The following DENND1B variants were observed in gnomAD, a reference collection of about 807,000 sequenced individuals.
The protein encoded by DENND1B is DENN domain-containing protein 1B.
In DENND1B, 59 loss-of-function variants were observed where a neutral mutation model predicts 90.1. The ratio of observed to expected loss-of-function variants is 0.65; its 90% confidence interval spans 0.53 to 0.81. The LOEUF is 0.81. Among genes scored for constraint, DENND1B ranks in the 40% least tolerant of loss-of-function variants. The pLI is 0.00. For missense variants in DENND1B, 862 were observed against 912.6 expected, an observed-to-expected ratio of 0.94 and a Z score of 0.71; for synonymous variants, 337 against 324.6, an observed-to-expected ratio of 1.04 and a Z score of -0.41.
intron 17 of DENND1B, 81 bp from the exon 18 acceptor site, chr1:197,546,071 T>A (rs1670795874): frequency 8.2e-7 from 1 of 1,213,314 alleles, no homozygotes. Context: ...GTAAGTTGCA[T>A]ATTTAAAAAA....
intron 5 of DENND1B, among the ~76,000 whole-genome samples, chr1:197,667,924 A>C (rs1301613877): frequency 6.6e-6 from 1 of 152,200 alleles, no homozygotes. Flanking sequence ...GCAGGAAAAA[A>C]TTGAAATGAT....
At chr1:197,631,728 A>T (rs939958411) in intron 10 of DENND1B, among the ~76,000 whole-genome samples, 3 of 151,730 alleles carry the variant, frequency 2.0e-5, no homozygotes, top group African/African-American at 7.3e-5. Flanking sequence ...AATTATATAT[A>T]TTTTAATGTT....
At chr1:197,742,696 CA>C (rs1663329526) in intron 2 of DENND1B, among the ~76,000 whole-genome samples, 1 of 152,108 alleles carries the variant, frequency 6.6e-6, no homozygotes, top group Non-Finnish European at 1.5e-5. Flanking sequence ...CTGTAGCACA[CA>C]AAAAACTACA....
At position 197,737,573 on chromosome 1, in the gene DENND1B, C is replaced by T. The variant is rs6698391; in HGVS notation, c.83-22499G>A. Among the ~76,000 whole-genome samples, 774 of 152,212 alleles carry T rather than the reference C, an allele frequency of 5.1e-3. 7 individuals carry two copies. The highest frequency in any genetic ancestry group is 0.017 in the African/African-American group (719 of 41,530). On this transcript the variant is annotated intron_variant, in intron 2 of 22. Transcript: ENST00000620048. ...TTTGCACTCTATTAGACTTGTTTGC[C>T]TCTATCTACTAAGCATTATAGGAGA...
At chr1:197,663,509 G>C (rs995389791) in intron 5 of DENND1B, among the ~76,000 whole-genome samples, 4 of 152,044 alleles carry the variant, frequency 2.6e-5, no homozygotes, top group Admixed American at 2.6e-4. Context: ...TATCCTAAGG[G>C]CATATTTTGT....
intron 10 of DENND1B, among the ~76,000 whole-genome samples, chr1:197,636,658 G>A (rs1679820476): frequency 1.3e-5 from 2 of 152,106 alleles, no homozygotes; most frequent in South Asian, 4.1e-4. Flanking sequence ...CGCAAAGCAT[G>A]CCCTATATTA....
intron 22 of DENND1B, among the ~76,000 whole-genome samples, chr1:197,511,265 T>A (rs1668008654): frequency 6.6e-6 from 1 of 151,814 alleles, no homozygotes; most frequent in South Asian, 2.1e-4. Context: ...TACTCATACT[T>A]CTATCTCTGC....
At chr1:197,594,420 G>A (rs148338648) in intron 14 of DENND1B, among the ~76,000 whole-genome samples, 57 of 152,260 alleles carry the variant, frequency 3.7e-4, no homozygotes, top group African/African-American at 1.3e-3. Flanking sequence ...AATCTAGAGA[G>A]ACTAAGGAAA....
chr1:197,577,077 T>C (rs1191968221), intron 15 of DENND1B, among the ~76,000 whole-genome samples: 2 of 151,792 alleles, frequency 1.3e-5, no homozygotes, highest in Admixed American at 6.6e-5. Context: ...TAAAGTAATA[T>C]AGGCACAGAA....
intron 2 of DENND1B, among the ~76,000 whole-genome samples, chr1:197,759,336 C>A (rs1203186221): frequency 2.7e-5 from 4 of 148,598 alleles, no homozygotes; most frequent in African/African-American, 9.9e-5. Context: ...TAAAAAGAAG[C>A]AAAATACAAT....
rs1019863043 is a variant in DENND1B, at chr1:197,646,360, T to C, written c.508-617A>G. Among the ~76,000 whole-genome samples the C allele has an allele frequency of 5.9e-5, 9 of 152,004 alleles. No homozygotes were observed. In the South Asian group the frequency reaches 6.2e-4, roughly 11 times the overall value. ...ATATGATTGTTACACATCTGCCAAATATTAATTAGCTTCTATAATGTTCAA... is the reference window on the plus strand; with the variant it reads ...ATATGATTGTTACACATCTGCCAAACATTAATTAGCTTCTATAATGTTCAA... On this transcript the variant is annotated intron_variant, in intron 8 of 22. Transcript: ENST00000620048.
chr1:197,541,318 G>A (rs1008968079), intron 18 of DENND1B, among the ~76,000 whole-genome samples: 3 of 152,116 alleles, frequency 2.0e-5, no homozygotes. Flanking sequence ...AGATTACAAT[G>A]TTAAAACTGT....
intron 3 of DENND1B, among the ~76,000 whole-genome samples, chr1:197,696,494 C>T (rs182748262): frequency 4.6e-5 from 7 of 151,490 alleles, no homozygotes; most frequent in East Asian, 3.9e-4. Context: ...AGAGAACAAA[C>T]AAGTCAGGTA....
intron 16 of DENND1B, among the ~76,000 whole-genome samples, chr1:197,550,936 T>C (rs1429529867): frequency 6.6e-6 from 1 of 152,040 alleles, no homozygotes; most frequent in Non-Finnish European, 1.5e-5. Context: ...ATATTACTAT[T>C]ATTATGAGAT....
intron 2 of DENND1B, among the ~76,000 whole-genome samples, chr1:197,726,350 T>C (rs537002763): frequency 2.6e-5 from 4 of 152,218 alleles, no homozygotes; most frequent in Non-Finnish European, 4.4e-5. Context: ...CCTACTCACT[T>C]TGCAGAACCG....
chr1:197,653,996 C>A (rs1044960639), intron 6 of DENND1B, among the ~76,000 whole-genome samples: 7 of 152,150 alleles, frequency 4.6e-5, no homozygotes, highest in South Asian at 2.1e-4. Flanking sequence ...GTCTGTACAG[C>A]TTCAACATAA....
At chr1:197,625,936 T>A (rs1418580232) in intron 10 of DENND1B, among the ~76,000 whole-genome samples, 1 of 152,124 alleles carries the variant, frequency 6.6e-6, no homozygotes, top group East Asian at 1.9e-4. Context: ...GGCCATTACA[T>A]AATGGCAAAG....
chr1:197,632,858 CTCAATAACCA>C (rs200901780), intron 10 of DENND1B, among the ~76,000 whole-genome samples: 24,428 of 152,074 alleles, frequency 0.16, 2,249 homozygotes, highest in Non-Finnish European at 0.2. Context: ...AGTGATTGTT[CTCAATAACCA>C]AAGGGAAACT....
At chr1:197,525,944 CAT>C (rs1669105325) in intron 20 of DENND1B, among the ~76,000 whole-genome samples, 2 of 151,970 alleles carry the variant, frequency 1.3e-5, no homozygotes, top group African/African-American at 4.8e-5. Context: ...ATATTATATT[CAT>C]ATGTTAGAAA....
Sources: gnomAD v4.1 joint callset for allele counts (sites outside exome capture counted in the v4.1 genomes callset) on GRCh38, gnomAD v4.1.1 for gene constraint, MANE v1.5 for transcripts, NCBI Gene and HGNC (gene_info 2026-07-23, HGNC 2026-07-21) for gene names.